RNF38: variants seen among roughly 807,000 people sequenced by gnomAD.
RNF38 encodes ring finger protein 38, also known as E3 ubiquitin-protein ligase RNF38.
Under a neutral mutation model 67.2 loss-of-function variants are expected in RNF38, and 15 were observed. The observed-to-expected ratio is 0.22, with a 90% CI of 0.15 to 0.34. RNF38 has a LOEUF of 0.34. RNF38 is among the 10% of genes least tolerant of loss of function. The pLI is 1.00. For missense variants in RNF38, 524 were observed against 639.9 expected (o/e 0.82, Z 1.95); for synonymous variants, 220 against 218.8 (o/e 1.01, Z -0.05).
chr9:36,420,143 T>C (rs552902556), intron 2 of RNF38, among the ~76,000 whole-genome samples: 26 of 152,292 alleles, frequency 1.7e-4, no homozygotes, highest in South Asian at 6.2e-4. Context: ...CTGTGTGATC[T>C]TGGGTAAATA....
chr9:36,343,280 T>A (rs1832977655), intron 10 of RNF38, among the ~76,000 whole-genome samples: 1 of 152,184 alleles, frequency 6.6e-6, no homozygotes, highest in African/African-American at 2.4e-5. Flanking sequence ...ATCCACAGAA[T>A]GGCAAAACAT....
rs763180609 is a variant in RNF38 at position 36,351,180 on chromosome 9, G to T, written c.1198C>A (p.Pro400Thr). ...PYVLSMLPVP[P>T]AVGPTFSFEL... ...AAGCTGAAAGTTGGGCCCACTGCAG[G>T]TGGCACTGGAAGCATTGATCTGCAG... is the stretch of plus-strand genomic sequence containing the variant. Residue 400 changes from proline (P) to threonine (T), a missense_variant, in exon 9 of 12, where the codon CCT becomes ACT. By Grantham distance (38) the Pro-to-Thr change is conservative (BLOSUM62 -1). This residue lies in a region of RNF38 where 461 missense variants were observed against 517.4 expected (regional missense o/e 0.89). Transcript: ENST00000259605. The T allele has an allele frequency of 1.9e-6, 3 of 1,612,580 alleles. No homozygotes were observed. The Admixed American group carries it at 5.0e-5, about 27-fold the overall frequency.
At chr9:36,360,386 T>C (rs1834441416) in intron 4 of RNF38, among the ~76,000 whole-genome samples, 2 of 152,218 alleles carry the variant, frequency 1.3e-5, no homozygotes, top group Admixed American at 6.5e-5. Flanking sequence ...TAGAATCTCC[T>C]TTCCTAGGTA....
intron 1 of RNF38, among the ~76,000 whole-genome samples, chr9:36,453,381 ATTT>A (rs571598885): frequency 2.2e-5 from 3 of 135,776 alleles, no homozygotes; most frequent in African/African-American, 5.5e-5. Flanking sequence ...TGTTCAGGTA[ATTT>A]TTTTTTTTTT....
intron 6 of RNF38, among the ~76,000 whole-genome samples, chr9:36,354,913 T>C (rs1833987977): frequency 6.6e-6 from 1 of 152,238 alleles, no homozygotes; most frequent in Non-Finnish European, 1.5e-5. Flanking sequence ...GCTTACACTA[T>C]GACAACACTA....
intron 1 of RNF38, among the ~76,000 whole-genome samples, chr9:36,469,293 T>C (rs1839939257): frequency 6.6e-6 from 1 of 151,898 alleles, no homozygotes; most frequent in African/African-American, 2.4e-5. Context: ...GCTATTCATT[T>C]AACATGAATG....
chr9:36,364,893 G>A (rs1218505008), intron 4 of RNF38, among the ~76,000 whole-genome samples: 1 of 152,156 alleles, frequency 6.6e-6, no homozygotes, highest in East Asian at 1.9e-4. Flanking sequence ...TAATACTCTT[G>A]AGAAATAATT....
chr9:36,397,671 G>A (rs1475861375), intron 1 of RNF38, among the ~76,000 whole-genome samples: 1 of 152,074 alleles, frequency 6.6e-6, no homozygotes, highest in African/African-American at 2.4e-5. Context: ...TGATGAAAAA[G>A]AAGGAAAAGG....
chr9:36,340,024 G>A (rs1328584259), intron 11 of RNF38, among the ~76,000 whole-genome samples: 1 of 152,076 alleles, frequency 6.6e-6, no homozygotes, highest in Non-Finnish European at 1.5e-5. Flanking sequence ...TTGTTGCCCA[G>A]GCTGGAGTGC....
rs577515810 is a variant in RNF38 at position 36,350,315 on chromosome 9, T to A, written c.1263+800A>T. 1.6e-4 allele frequency among the ~76,000 whole-genome samples: 24 copies of A among 152,350 alleles called. 1 individual carries two copies. The highest frequency in any genetic ancestry group is 6.5e-4 in the Admixed American group (10 of 15,306). On this transcript the variant is annotated intron_variant, in intron 9 of 11. Coordinates refer to ENST00000259605, the MANE Select transcript of RNF38 (RefSeq NM_022781.5). ...TGTCACCATTTTCTAACCACTCCCA[T>A]CGATTACTTCACAGTAGTGGCAGAG...
intron 2 of RNF38, among the ~76,000 whole-genome samples, chr9:36,416,578 G>A (rs921009236): frequency 1.3e-5 from 2 of 151,950 alleles, no homozygotes; most frequent in East Asian, 1.9e-4. Context: ...TTTGCACTCA[G>A]TCAAAATTAT....
At chr9:36,364,318 A>T (rs1268797718) in intron 4 of RNF38, among the ~76,000 whole-genome samples, 5 of 152,206 alleles carry the variant, frequency 3.3e-5, no homozygotes, top group Non-Finnish European at 5.9e-5. Flanking sequence ...ATAAGAATAC[A>T]GTATATAATA....
At chr9:36,452,815 G>C (rs775544244) in intron 1 of RNF38, among the ~76,000 whole-genome samples, 2 of 152,166 alleles carry the variant, frequency 1.3e-5, no homozygotes, top group African/African-American at 2.4e-5. Flanking sequence ...TTACAGGCAT[G>C]AGCCACTGCA....
chr9:36,424,042 C>A (rs1033752392), intron 2 of RNF38, among the ~76,000 whole-genome samples: 1 of 151,654 alleles, frequency 6.6e-6, no homozygotes, highest in Non-Finnish European at 1.5e-5. Flanking sequence ...CACAATGAAA[C>A]CACCACCAAT....
At position 36,374,702 on chromosome 9, in the gene RNF38, A is replaced by T. The variant is rs566353593; in HGVS notation, c.356+1232T>A. On this transcript the variant is annotated intron_variant, in intron 3 of 11. Transcript: ENST00000259605. ...ACGAGGCTTCACCATGTTGGCCAGG[A>T]TGGTCTCCTGACCTCGTGATCCGCC... 9.9e-5 allele frequency among the ~76,000 whole-genome samples: 15 copies of T among 152,276 alleles called. No individual in the cohort carries two copies. The South Asian group carries it at 3.1e-3, about 32-fold the overall frequency.
chr9:36,441,413 G>A (rs1323452575), intron 1 of RNF38, among the ~76,000 whole-genome samples: 5 of 150,398 alleles, frequency 3.3e-5, no homozygotes, highest in South Asian at 2.1e-4. Flanking sequence ...TGCAACCTCC[G>A]CCTCCTGGGT....
intron 5 of RNF38, among the ~76,000 whole-genome samples, chr9:36,357,487 C>T (rs777778647): frequency 6.6e-6 from 1 of 151,972 alleles, no homozygotes; most frequent in Non-Finnish European, 1.5e-5. Context: ...ATGGTTTGAC[C>T]CTCAGGATAT....
intron 2 of RNF38, among the ~76,000 whole-genome samples, chr9:36,422,825 T>C (rs1838665790): frequency 6.6e-6 from 1 of 152,102 alleles, no homozygotes; most frequent in East Asian, 1.9e-4. Context: ...AAGCACAAAA[T>C]CAGCTATAGA....
At chr9:36,387,423 T>A (rs1836728805) in intron 2 of RNF38, among the ~76,000 whole-genome samples, 2 of 152,242 alleles carry the variant, frequency 1.3e-5, no homozygotes, top group Non-Finnish European at 2.9e-5. Context: ...CACCATGTAC[T>A]TAATTACCTT....
Sources: gnomAD v4.1 joint callset for allele counts (sites outside exome capture counted in the v4.1 genomes callset) on GRCh38, gnomAD v4.1.1 for gene constraint, gnomAD v4.1.1 regional missense constraint, MANE v1.5 for transcripts, NCBI Gene and HGNC (gene_info 2026-07-23, HGNC 2026-07-21) for gene names.